GABRA3: variants seen among roughly 807,000 people sequenced by gnomAD.
GABRA3 encodes the protein gamma-aminobutyric acid type A receptor subunit alpha3, also known as gamma-aminobutyric acid receptor subunit alpha-3.
A neutral mutation model predicts 30.1 loss-of-function variants in GABRA3; 10 were observed. That is an observed-to-expected ratio of 0.33 (90% confidence interval 0.20 to 0.56). GABRA3 has a LOEUF of 0.56. Among genes scored for constraint, GABRA3 ranks in the 20% least tolerant of loss-of-function variants. The pLI is 0.89. For synonymous variants in GABRA3, 151 were observed against 146.8 expected (o/e 1.03, Z -0.21); for missense variants, 233 against 392.0 (o/e 0.59, Z 3.42).
At chrX:152,360,001 A>C (rs1045961281) in intron 2 of GABRA3, among the ~76,000 whole-genome samples, 5 of 104,052 alleles carry the variant, frequency 4.8e-5, no homozygotes, top group African/African-American at 1.8e-4. Context: ...TGAACTCATC[A>C]TTTTTTATGG....
chrX:152,369,740 G>C (rs910405066), intron 1 of GABRA3, among the ~76,000 whole-genome samples: 8 of 111,441 alleles, frequency 7.2e-5, no homozygotes, highest in Non-Finnish European at 1.5e-4. Context: ...GTGTCTAAAA[G>C]GAAGAAAAAT....
At chrX:152,188,431 A>G (rs746667233) in intron 9 of GABRA3, among the ~76,000 whole-genome samples, 1 of 111,151 alleles carries the variant, frequency 9.0e-6, no homozygotes, top group East Asian at 2.8e-4. Context: ...TTAGGAGATG[A>G]TAGGAACTGG....
chrX:152,233,911 T>C (rs1192837844), intron 5 of GABRA3, among the ~76,000 whole-genome samples: 63 of 106,453 alleles, frequency 5.9e-4, no homozygotes, highest in African/African-American at 2.0e-3. Flanking sequence ...ATGGATGAAA[T>C]TGGAAATCAT....
chrX:152,169,587 G>A (rs1034901049), intron 9 of GABRA3, among the ~76,000 whole-genome samples: 2 of 111,904 alleles, frequency 1.8e-5, no homozygotes, highest in African/African-American at 6.5e-5. Flanking sequence ...CTGAAGAACA[G>A]GAGAGGCCAG....
intron 1 of GABRA3, among the ~76,000 whole-genome samples, chrX:152,418,628 G>A (rs112152858): frequency 0.022 from 2,464 of 111,233 alleles, 33 homozygotes; most frequent in South Asian, 0.058. Context: ...ATAAAAGCAA[G>A]TTAAAACCGA....
In GABRA3 at chrX:152,216,744, T is replaced by G. The variant is rs778335458; in HGVS notation, c.634+8019A>C. On this transcript the variant is annotated intron_variant, in intron 6 of 9. Transcript: ENST00000370314. ...GAAGGAATAAGTTCTGGTGTGCTATTGTGCAGAAGACTGATTATATTTTTA... is the reference window on the plus strand; with the variant it reads ...GAAGGAATAAGTTCTGGTGTGCTATGGTGCAGAAGACTGATTATATTTTTA... 1.6e-3 allele frequency among the ~76,000 whole-genome samples: 178 copies of G among 109,826 alleles called. 1 individual carries two copies. The highest frequency in any genetic ancestry group is 5.5e-3 in the African/African-American group (166 of 30,413).
intron 3 of GABRA3, among the ~76,000 whole-genome samples, chrX:152,326,912 T>C (rs1048502525): frequency 9.1e-6 from 1 of 110,334 alleles, no homozygotes; most frequent in South Asian, 3.9e-4. Context: ...GACTGGCAAA[T>C]TGGATAAAGA....
intron 1 of GABRA3, among the ~76,000 whole-genome samples, chrX:152,415,308 A>T (rs758797620): frequency 9.0e-6 from 1 of 111,231 alleles, no homozygotes; most frequent in Non-Finnish European, 1.9e-5. Context: ...TTTTCTGTAA[A>T]CCTAAAACTA....
intron 9 of GABRA3, among the ~76,000 whole-genome samples, chrX:152,182,714 A>AC (rs376114022): frequency 0.012 from 59 of 5,031 alleles, no homozygotes; most frequent in African/African-American, 0.031. Flanking sequence ...GTATATATAC[A>AC]TATATAGGTA....
intron 3 of GABRA3, among the ~76,000 whole-genome samples, chrX:152,325,640 G>A (rs769935217): frequency 1.8e-4 from 20 of 111,934 alleles, no homozygotes; most frequent in East Asian, 2.8e-4. Flanking sequence ...GGGTCCTAAC[G>A]GTTAGAAGGA....
intron 6 of GABRA3, among the ~76,000 whole-genome samples, chrX:152,223,462 A>T (rs756824259): frequency 1.8e-5 from 2 of 111,067 alleles, no homozygotes; most frequent in South Asian, 7.6e-4. Flanking sequence ...ATTTTTCCTT[A>T]GAATATAATT....
chrX:152,197,583 T>C (rs1431265256), intron 8 of GABRA3, 50 bp downstream of exon 8: 4 of 1,103,374 alleles, frequency 3.6e-6, no homozygotes, highest in African/African-American at 3.6e-5. Context: ...ACCTCCACTG[T>C]GACTCTGCAT....
intron 5 of GABRA3, among the ~76,000 whole-genome samples, chrX:152,229,775 G>A (rs1218684640): frequency 9.0e-6 from 1 of 111,008 alleles, no homozygotes; most frequent in Non-Finnish European, 1.9e-5. Context: ...TAGAGGCACT[G>A]TGGGATTTTA....
intron 6 of GABRA3, among the ~76,000 whole-genome samples, chrX:152,222,859 T>C (rs1937869034): frequency 9.2e-6 from 1 of 108,441 alleles, no homozygotes; most frequent in African/African-American, 3.4e-5. Context: ...TAGTCTAGCA[T>C]GTCTTTTTTT....
chrX:152,175,379 G>A (rs1403021055), intron 9 of GABRA3, among the ~76,000 whole-genome samples: 1 of 110,686 alleles, frequency 9.0e-6, no homozygotes, highest in Non-Finnish European at 1.9e-5. Context: ...GGAAAACATA[G>A]GAAATCATCC....
rs752202541 is a variant in GABRA3 at position 152,315,164 on chromosome X, C to T, written c.262+30417G>A. Among the ~76,000 whole-genome samples, 59 of 111,045 alleles carry T rather than the reference C, an allele frequency of 5.3e-4. 1 individual carries two copies. The highest frequency in any genetic ancestry group is 9.1e-4 in the Non-Finnish European group (48 of 52,967). ...GCTCCTGCAGGACCCGGGAGACAGC[C>T]GGAATACTGTTAGTGCCCAAACTGT... On this transcript the variant is annotated intron_variant, in intron 3 of 9. Coordinates refer to ENST00000370314, the MANE Select transcript of GABRA3 (RefSeq NM_000808.4).
chrX:152,285,576 C>T lies in GABRA3; in HGVS notation c.263-841G>A, dbSNP rs557075842. ...AATCTCATCACACACCACATATTTG[C>T]CAAATTGGAAATTAATACTGTCTTA... On this transcript the variant is annotated intron_variant, in intron 3 of 9. Transcript: ENST00000370314. Among the ~76,000 whole-genome samples the T allele has an allele frequency of 2.4e-4, 27 of 111,552 alleles. No homozygotes were observed. In the South Asian group the frequency reaches 9.4e-3, roughly 39 times the overall value.
At chrX:152,243,913 T>C (rs1347462112) in intron 5 of GABRA3, among the ~76,000 whole-genome samples, 1 of 112,298 alleles carries the variant, frequency 8.9e-6, no homozygotes, top group Non-Finnish European at 1.9e-5. Context: ...TTTCTTTCTA[T>C]ACCTTTGGAA....
intron 8 of GABRA3, among the ~76,000 whole-genome samples, chrX:152,197,351 C>A (rs1472998099): frequency 9.0e-6 from 1 of 111,548 alleles, no homozygotes; most frequent in Non-Finnish European, 1.9e-5. Flanking sequence ...GCACTAAATT[C>A]CTCTCTTTTT....
Sources: gnomAD v4.1 joint callset for allele counts (sites outside exome capture counted in the v4.1 genomes callset) on GRCh38, gnomAD v4.1.1 for gene constraint, MANE v1.5 for transcripts, NCBI Gene and HGNC (gene_info 2026-07-23, HGNC 2026-07-21) for gene names.